MTFR1L: variants seen among roughly 807,000 people sequenced by gnomAD.
The protein encoded by MTFR1L is mitochondrial fission regulator 1-like.
MTFR1L carries 10 observed loss-of-function variants against 27.9 expected under a neutral mutation model. The ratio of observed to expected loss-of-function variants is 0.36; its 90% CI spans 0.22 to 0.61. The LOEUF is 0.61. Ranked by LOEUF, MTFR1L falls within the 20% of genes least tolerant of loss-of-function variation. MTFR1L has a pLI of 0.73. For missense variants in MTFR1L, 315 were observed against 363.7 expected (o/e 0.87, Z 1.09); for synonymous variants, 151 against 139.4 (o/e 1.08, Z -0.58).
chr1:25,832,319 C>T lies in MTFR1L; in HGVS notation c.*293C>T. On this transcript the variant is annotated 3_prime_UTR_variant, in exon 7 of 7. Transcript: ENST00000374303. The stretch of plus-strand genomic sequence containing the variant: ...AAGTTGTTTCTGGTTTTTCCTTGCC[C>T]CTGTGTGAAAATAGGTCCTAAATGA... 2 of 803,676 alleles carry T rather than the reference C, an allele frequency of 2.5e-6. No homozygotes were observed. Among genetic ancestry groups the T allele is most frequent in the Non-Finnish European group, 3.9e-6 (2 of 516,306 alleles). 49.8% of individuals were successfully genotyped at this position (803,676 alleles called of 1,614,324 possible).
At chr1:25,825,999 A>G (rs186221242) in intron 3 of MTFR1L, 10 of 309,306 alleles carry the variant, frequency 3.2e-5, no homozygotes, top group Non-Finnish European at 6.2e-5. Flanking sequence ...ATACCCAGAT[A>G]ATTTTTGTAT....
chr1:25,829,428 G>C, intron 5 of MTFR1L, 81 bp from the exon 6 acceptor site: 1 of 1,263,328 alleles, frequency 7.9e-7, no homozygotes, highest in Non-Finnish European at 1.1e-6. Flanking sequence ...TGAATGTTCA[G>C]TAGGCAGGGC....
intron 1 of MTFR1L, chr1:25,822,066 A>G (rs958568802): frequency 6.6e-6 from 1 of 152,186 alleles, no homozygotes; most frequent in Non-Finnish European, 1.5e-5. Flanking sequence ...CACCTCACCC[A>G]TCTGTGTCAT....
In MTFR1L at chr1:25,823,165, A is replaced by C. The variant is rs377441062; in HGVS notation, c.24+37A>C. 6 of 1,597,754 alleles carry C rather than the reference A, an allele frequency of 3.8e-6. No individual in the cohort carries two copies. In the African/African-American group the frequency reaches 8.0e-5, roughly 21 times the overall value. On this transcript the variant is annotated intron_variant, in intron 2 of 6. Transcript: ENST00000374303. ...TCCCAGGGCAGGGGTATGGTGGGGAAGGTTGGGTGCTGGGCCTGCTGAAGT... is the reference window on the plus strand; with the variant it reads ...TCCCAGGGCAGGGGTATGGTGGGGACGGTTGGGTGCTGGGCCTGCTGAAGT...
intron 5 of MTFR1L, among the ~76,000 whole-genome samples, chr1:25,828,717 A>C (rs377189257): frequency 3.3e-5 from 5 of 152,124 alleles, no homozygotes; most frequent in Non-Finnish European, 7.3e-5. Context: ...ATCGCTCCCA[A>C]GATGCTCAGG....
At position 25,826,259 on chromosome 1, in the gene MTFR1L, A is replaced by T. The variant is rs772659963; in HGVS notation, c.130-43A>T. The T allele has an allele frequency of 1.3e-6, 2 of 1,568,368 alleles. No homozygotes were observed. The highest frequency in any genetic ancestry group is 1.8e-6 in the Non-Finnish European group (2 of 1,140,066). ...GTATTCTGCAGTTTCTGATTGGCTC[A>T]TCATGGCATCTGTAAATGTTGATGA... On this transcript the variant is annotated intron_variant, in intron 3 of 6. Coordinates refer to ENST00000374303, the MANE Select transcript of MTFR1L (RefSeq NM_001099625.2). The surrounding 1 kb of genome is among the most constrained non-coding windows in gnomAD (Gnocchi z 4.1).
In MTFR1L at chr1:25,832,055, A is replaced by T; in HGVS notation, c.*29A>T. ...CCCTCAGCTCTGCAAACTCAGTCTC[A>T]TGCTCCTGGAATACCTTCAATAGCT... is the stretch of plus-strand genomic sequence containing the variant. On this transcript the variant is annotated 3_prime_UTR_variant, in exon 7 of 7. Coordinates refer to ENST00000374303, the MANE Select transcript of MTFR1L (RefSeq NM_001099625.2). 2 of 1,613,982 alleles carry T rather than the reference A, an allele frequency of 1.2e-6. No homozygotes were observed. Among genetic ancestry groups the T allele is most frequent in the South Asian group, 1.1e-5 (1 of 91,078 alleles).
At position 25,820,013 on chromosome 1, in the gene MTFR1L, G is replaced by C. The variant is rs558941452; in HGVS notation, c.-103G>C. The C allele has an allele frequency of 2.6e-5, 9 of 351,906 alleles. No homozygotes were observed. The highest frequency in any genetic ancestry group is 1.9e-4 in the East Asian group (2 of 10,722). 21.8% of individuals were successfully genotyped at this position (351,906 alleles called of 1,614,324 possible). A position where few individuals can be genotyped will look rare whatever the true frequency, so the allele number is the denominator to read the frequency against. ...GAGGGGCCGTGAGGTGAGAGAGTCC[G>C]GGAGCCCGAGCTTGAGGTGAGAAAG... On this transcript the variant is annotated 5_prime_UTR_variant, in exon 1 of 7. Coordinates refer to ENST00000374303, the MANE Select transcript of MTFR1L (RefSeq NM_001099625.2).
At chr1:25,829,195 G>T (rs951950053) in intron 5 of MTFR1L, among the ~76,000 whole-genome samples, 1 of 152,180 alleles carries the variant, frequency 6.6e-6, no homozygotes, top group Admixed American at 6.5e-5. Context: ...TGCTGCTTTG[G>T]CCTATGACAG....
Position 25,832,328 on chromosome 1 carries a change from A to AAAT in MTFR1L, c.*304_*306dup. On this transcript the variant is annotated 3_prime_UTR_variant, in exon 7 of 7. Transcript: ENST00000374303. Reference sequence around the variant, plus strand: ...CTGGTTTTTCCTTGCCCCTGTGTGAAAATAGGTCCTAAATGACTGACTTCA... The same window carrying AAAT: ...CTGGTTTTTCCTTGCCCCTGTGTGAAAATAATAGGTCCTAAATGACTGACTTCA... 1 of 712,000 alleles carries AAAT rather than the reference A, an allele frequency of 1.4e-6. No homozygotes were observed. Among genetic ancestry groups the AAAT allele is most frequent in the Non-Finnish European group, 2.3e-6 (1 of 433,810 alleles). The allele number at this position is 712,000 out of a possible 1,614,324, so 44.1% of individuals were successfully genotyped here. A position where few individuals can be genotyped will look rare whatever the true frequency, so the allele number is the denominator to read the frequency against.
At position 25,832,293 on chromosome 1, in the gene MTFR1L, GAAGTTGTTTCTGGTTT is replaced by G; in HGVS notation, c.*268_*283del. On this transcript the variant is annotated 3_prime_UTR_variant, in exon 7 of 7. Coordinates refer to ENST00000374303, the MANE Select transcript of MTFR1L (RefSeq NM_001099625.2). ...GTATCTTAGTTTAAAGGGTAAGAGA[GAAGTTGTTTCTGGTTT>G]TTCCTTGCCCCTGTGTGAAAATAGG... 1 of 1,027,812 alleles carries G rather than the reference GAAGTTGTTTCTGGTTT, an allele frequency of 9.7e-7. No homozygotes were observed. The allele number at this position is 1,027,812 out of a possible 1,614,324, so 63.7% of individuals were successfully genotyped here. A position where few individuals can be genotyped will look rare whatever the true frequency, so the allele number is the denominator to read the frequency against.
Position 25,829,513 on chromosome 1 carries a change from G to T in MTFR1L, c.456G>T (p.Ser152=), listed in dbSNP as rs539142207. ...IAKIVAADAA[S]ASLTPDFLSP... is the part of the protein sequence containing the mutation. Reference sequence around the variant, plus strand: ...GCCTATTGTTTTCTCTTTCAGCTTCGGCTTCATTAACGCCAGATTTCTTAT... The same window carrying T: ...GCCTATTGTTTTCTCTTTCAGCTTCTGCTTCATTAACGCCAGATTTCTTAT... Residue 152 remains serine (S), a synonymous_variant, in exon 6 of 7, where the codon TCG becomes TCT. Coordinates refer to ENST00000374303, the MANE Select transcript of MTFR1L (RefSeq NM_001099625.2). 1.2e-5 allele frequency: 20 copies of T among 1,612,416 alleles called. No individual in the cohort carries two copies. In the East Asian group the frequency reaches 4.0e-4, roughly 32 times the overall value.
In MTFR1L at chr1:25,824,731, G is replaced by T. The variant is rs189491409; in HGVS notation, c.129+983G>T. Among the ~76,000 whole-genome samples the T allele has an allele frequency of 1.9e-3, 288 of 152,022 alleles. 1 individual carries two copies. The highest frequency in any genetic ancestry group is 6.3e-3 in the African/African-American group (262 of 41,444). Reference sequence around the variant, plus strand: ...TGCCAGCTATCCAGAATTGTCTAAAGATCCTGGGCAGGAACTGGTCCTAAC... The same window carrying T: ...TGCCAGCTATCCAGAATTGTCTAAATATCCTGGGCAGGAACTGGTCCTAAC... On this transcript the variant is annotated intron_variant, in intron 3 of 6. Transcript: ENST00000374303.
At chr1:25,831,836 G>C (rs1020203040) in intron 6 of MTFR1L, 85 bp from the exon 7 acceptor site, 18 of 1,114,192 alleles carry the variant, frequency 1.6e-5, no homozygotes, top group Admixed American at 5.4e-5. Flanking sequence ...AGATTGTTGT[G>C]AGGATTCAAC....
At chr1:25,822,865 GC>G in intron 1 of MTFR1L, 153 bp from the exon 2 acceptor site, 1 of 630,146 alleles carries the variant, frequency 1.6e-6, no homozygotes, top group South Asian at 1.9e-5. Flanking sequence ...TGGACTTAGA[GC>G]TAAGTGTTGG....
intron 1 of MTFR1L, chr1:25,820,458 G>C: frequency 2.6e-6 from 1 of 385,576 alleles, no homozygotes; most frequent in South Asian, 1.9e-5. Context: ...GCCCTGGCGG[G>C]TCCCCGCGGG....
In MTFR1L at chr1:25,823,043, C is replaced by A; in HGVS notation, c.-62C>A. The stretch of plus-strand genomic sequence containing the variant: ...GATGGCCTGATATGAAGGAGTCACG[C>A]CTCCCGCCTCCCGGAGCTGCCCAGT... On this transcript the variant is annotated 5_prime_UTR_variant, in exon 2 of 7. Transcript: ENST00000374303. 1 of 1,613,932 alleles carries A rather than the reference C, an allele frequency of 6.2e-7. No homozygotes were observed.
intron 3 of MTFR1L, among the ~76,000 whole-genome samples, chr1:25,824,217 C>T (rs1191936037): frequency 6.6e-6 from 1 of 152,138 alleles, no homozygotes; most frequent in Non-Finnish European, 1.5e-5. Flanking sequence ...ATTCCTCAGC[C>T]TTCTCTTTTT....
chr1:25,820,129 C>T (rs2048066299), intron 1 of MTFR1L, 100 bp downstream of exon 1: 1 of 449,726 alleles, frequency 2.2e-6, no homozygotes, highest in Admixed American at 2.4e-5. Flanking sequence ...GCCCGCAGCT[C>T]CTGTTCCCGC....
Sources: allele counts gnomAD v4.1 joint callset (sites outside exome capture counted in the v4.1 genomes callset), GRCh38; gene constraint gnomAD v4.1.1; non-coding constraint Gnocchi (gnomAD v3.1); transcripts MANE v1.5; gene names NCBI Gene and HGNC (gene_info 2026-07-23, HGNC 2026-07-21).